The following FYB1 variants were observed in gnomAD, a reference collection of about 807,000 sequenced individuals.
FYB1 encodes the protein FYN binding protein 1.
A neutral mutation model predicts 94.1 loss-of-function variants in FYB1; 41 were observed. That is an observed-to-expected ratio of 0.44 (90% CI 0.34 to 0.57). FYB1 has a LOEUF of 0.57. Ranked by LOEUF, FYB1 falls within the 20% of genes least tolerant of loss-of-function variation. The pLI is 0.02. For missense variants in FYB1, 1,050 were observed against 976.8 expected (o/e 1.07, Z -1.00); for synonymous variants, 367 against 353.2 (o/e 1.04, Z -0.44).
At chr5:39,188,091 A>G (rs970767049) in intron 2 of FYB1, among the ~76,000 whole-genome samples, 2 of 152,122 alleles carry the variant, frequency 1.3e-5, no homozygotes, top group African/African-American at 4.8e-5. Context: ...TCTACCAATT[A>G]TTGAAGTAGT....
At chr5:39,147,265 A>ACTTTT (rs940774177) in intron 3 of FYB1, among the ~76,000 whole-genome samples, 5 of 151,692 alleles carry the variant, frequency 3.3e-5, no homozygotes, top group African/African-American at 1.2e-4. Flanking sequence ...TGACCTCTAT[A>ACTTTT]CTTTTCTTTT....
chr5:39,130,675 G>T, intron 9 of FYB1, 63 bp from the exon 10 acceptor site: 2 of 1,218,416 alleles, frequency 1.6e-6, no homozygotes, highest in Non-Finnish European at 2.4e-6. Flanking sequence ...AGGAAGAGAA[G>T]TACATATCCT....
chr5:39,231,479 TATG>T (rs1290736987), intron 1 of FYB1, among the ~76,000 whole-genome samples: 3 of 152,128 alleles, frequency 2.0e-5, no homozygotes, highest in African/African-American at 7.2e-5. Context: ...TGGAAAAACA[TATG>T]ATATATTTCT....
At chr5:39,198,447 C>T (rs1227306909) in intron 2 of FYB1, among the ~76,000 whole-genome samples, 1 of 152,114 alleles carries the variant, frequency 6.6e-6, no homozygotes, top group East Asian at 1.9e-4. Context: ...AAGACATAAA[C>T]ATTTTGAAAG....
intron 4 of FYB1, among the ~76,000 whole-genome samples, chr5:39,140,812 T>C (rs1470550479): frequency 1.3e-5 from 2 of 148,896 alleles, no homozygotes; most frequent in African/African-American, 2.6e-5. Flanking sequence ...ACCTATAACA[T>C]ACTCTTTCTG....
intron 2 of FYB1, among the ~76,000 whole-genome samples, chr5:39,188,540 CTTTT>C (rs35086739): frequency 2.9e-5 from 2 of 69,622 alleles, no homozygotes; most frequent in East Asian, 8.1e-4. Context: ...AACTACAGCA[CTTTT>C]TTTTTTTTTT....
At chr5:39,192,598 A>T (rs1308823717) in intron 2 of FYB1, among the ~76,000 whole-genome samples, 3 of 152,342 alleles carry the variant, frequency 2.0e-5, no homozygotes, top group East Asian at 3.9e-4. Context: ...AACAAGGGCA[A>T]ATCATGGCAT....
chr5:39,230,722 G>A (rs573425504), intron 1 of FYB1, among the ~76,000 whole-genome samples: 25 of 151,814 alleles, frequency 1.6e-4, no homozygotes, highest in South Asian at 1.2e-3. Context: ...CTAGACACCC[G>A]TTCAAAGGCA....
chr5:39,175,659 T>C (rs2150409276), intron 2 of FYB1, among the ~76,000 whole-genome samples: 2 of 152,314 alleles, frequency 1.3e-5, no homozygotes, highest in East Asian at 3.9e-4. Context: ...GGCTCCTAAC[T>C]ACCCAGTATT....
intron 3 of FYB1, among the ~76,000 whole-genome samples, chr5:39,142,491 T>C (rs1226495409): frequency 1.3e-5 from 2 of 152,212 alleles, no homozygotes; most frequent in African/African-American, 4.8e-5. Flanking sequence ...AATCCATTGA[T>C]TACCCCCTTT....
chr5:39,119,554 T>A lies in FYB1; in HGVS notation c.2219A>T (p.Asp740Val), dbSNP rs772894906. Residue 740 changes from aspartate to valine, a missense_variant, in exon 15 of 19, where the codon GAC becomes GTC. Physicochemically the swap from Asp to Val is radical, Grantham distance 152. Transcript: ENST00000512982. ...ACATACTTTAAATTTTTTCCTGAAG[T>A]CTTTTTCTTCTTTTTCCTGCTTTTT... ...KLKKQEKEEK[D>V]FRKKFKYDGE... 1.9e-6 allele frequency: 3 copies of A among 1,542,932 alleles called. No individual in the cohort carries two copies. The highest frequency in any genetic ancestry group is 2.6e-6 in the Non-Finnish European group (3 of 1,143,680).
intron 1 of FYB1, among the ~76,000 whole-genome samples, chr5:39,251,714 T>G (rs1466251305): frequency 6.6e-6 from 1 of 152,110 alleles, no homozygotes; most frequent in Non-Finnish European, 1.5e-5. Context: ...ATTATAAAGT[T>G]TACTTATTTA....
At chr5:39,246,099 T>C (rs1353455194) in intron 1 of FYB1, among the ~76,000 whole-genome samples, 1 of 152,228 alleles carries the variant, frequency 6.6e-6, no homozygotes, top group Non-Finnish European at 1.5e-5. Context: ...CCATGCCTAA[T>C]CTAGAGAGAA....
At chr5:39,116,693 A>G (rs1739599745) in intron 16 of FYB1, among the ~76,000 whole-genome samples, 1 of 152,126 alleles carries the variant, frequency 6.6e-6, no homozygotes, top group Non-Finnish European at 1.5e-5. Flanking sequence ...ATATCCATAC[A>G]TGTTTGTTGA....
intron 4 of FYB1, 25 bp from the exon 5 acceptor site, chr5:39,139,277 T>C (rs1741940451): frequency 7.0e-7 from 1 of 1,428,002 alleles, no homozygotes; most frequent in African/African-American, 1.4e-5. Context: ...AAATAAAATT[T>C]AATACATTTG....
chr5:39,248,301 C>A (rs1751572357), intron 1 of FYB1, among the ~76,000 whole-genome samples: 1 of 152,042 alleles, frequency 6.6e-6, no homozygotes, highest in African/African-American at 2.4e-5. Flanking sequence ...TTGGTGGAGA[C>A]AGATAAGAGT....
chr5:39,233,624 A>ATC (rs1395890948), intron 1 of FYB1, among the ~76,000 whole-genome samples: 2 of 152,176 alleles, frequency 1.3e-5, no homozygotes, highest in Non-Finnish European at 2.9e-5. Context: ...TCTAAAACAA[A>ATC]ACTTTTAGTG....
chr5:39,247,112 ATAT>A (rs1170446299), intron 1 of FYB1, among the ~76,000 whole-genome samples: 3 of 125,488 alleles, frequency 2.4e-5, no homozygotes, highest in Non-Finnish European at 5.1e-5. Context: ...ATATATATAT[ATAT>A]GACTATATAC....
chr5:39,254,568 G>A lies in FYB1; in HGVS notation c.-28+19835C>T, dbSNP rs138269760. On this transcript the variant is annotated intron_variant, in intron 1 of 1. Coordinates refer to the FYB1 transcript ENST00000510188. ...GCATGAATATCCTCATTTCTATCTA[G>A]AAGGAGGATTTTGTTTTAAACTGTG... is the stretch of plus-strand genomic sequence containing the variant. 6.9e-4 allele frequency among the ~76,000 whole-genome samples: 105 copies of A among 152,280 alleles called. 1 individual carries two copies. Among genetic ancestry groups the A allele is most frequent in the African/African-American group, 2.3e-3 (94 of 41,562 alleles).
Sources: gnomAD v4.1 joint callset for allele counts (sites outside exome capture counted in the v4.1 genomes callset) on GRCh38, gnomAD v4.1.1 for gene constraint, MANE v1.5 for transcripts, NCBI Gene and HGNC (gene_info 2026-07-23, HGNC 2026-07-21) for gene names.